The following IMMP2L variants were observed in gnomAD, a reference collection of about 807,000 sequenced individuals.
IMMP2L encodes mitochondrial inner membrane protease subunit 2.
IMMP2L carries 18 observed loss-of-function variants against 19.3 expected under a neutral mutation model. The ratio of observed to expected loss-of-function variants is 0.93; its 90% CI spans 0.64 to 1.38. IMMP2L has a LOEUF of 1.38. Among genes scored for constraint, IMMP2L ranks in the 40% most tolerant of loss-of-function variants. IMMP2L has a pLI of 0.00. For synonymous variants in IMMP2L, 76 were observed against 73.0 expected (o/e 1.04, Z -0.21); for missense variants, 233 against 218.2 (o/e 1.07, Z -0.43).
intron 3 of IMMP2L, among the ~76,000 whole-genome samples, chr7:111,402,123 A>AAATAATAAT (rs59071691): frequency 1.0e-4 from 14 of 137,346 alleles, no homozygotes; most frequent in South Asian, 2.4e-4. Context: ...CCCATCTCAA[A>AAATAATAAT]AATAATAATA....
At chr7:110,955,251 T>C (rs1818251367) in intron 4 of IMMP2L, among the ~76,000 whole-genome samples, 1 of 151,912 alleles carries the variant, frequency 6.6e-6, no homozygotes, top group Admixed American at 6.6e-5. Flanking sequence ...CCTACAACTT[T>C]AGAAAAGAAA....
rs1836272151 is a variant in IMMP2L, at chr7:111,428,180, G to A, written c.239+59058C>T. Reference sequence around the variant, plus strand: ...ATTTTCTTTATTGTTCCCTTATATTGTATTTCACCCTTACAGAAAATGATA... The same window carrying A: ...ATTTTCTTTATTGTTCCCTTATATTATATTTCACCCTTACAGAAAATGATA... On this transcript the variant is annotated intron_variant, in intron 3 of 5. Transcript: ENST00000405709. Among the ~76,000 whole-genome samples the A allele has an allele frequency of 4.0e-5, 6 of 151,474 alleles. No homozygotes were observed. In the South Asian group the frequency reaches 1.2e-3, roughly 31 times the overall value.
chr7:111,095,708 T>C (rs1467046538), intron 3 of IMMP2L, among the ~76,000 whole-genome samples: 2 of 151,984 alleles, frequency 1.3e-5, no homozygotes, highest in Non-Finnish European at 2.9e-5. Context: ...AGTTTTAAGG[T>C]TTTCCAAGAA....
At chr7:111,446,105 T>TGCAAGGCAGCA (rs1554502552) in intron 3 of IMMP2L, among the ~76,000 whole-genome samples, 9 of 151,652 alleles carry the variant, frequency 5.9e-5, no homozygotes, top group Non-Finnish European at 1.0e-4. Flanking sequence ...GAGATCAAAC[T>TGCAAGGCAGCA]GCAAGGCGGC....
At chr7:111,485,899 T>C (rs1231547324) in intron 3 of IMMP2L, among the ~76,000 whole-genome samples, 1 of 152,026 alleles carries the variant, frequency 6.6e-6, no homozygotes, top group African/African-American at 2.4e-5. Context: ...AAAAAAATAC[T>C]GCACAATTGT....
At chr7:111,329,984 G>T (rs185897315) in intron 3 of IMMP2L, among the ~76,000 whole-genome samples, 2 of 151,690 alleles carry the variant, frequency 1.3e-5, no homozygotes, top group African/African-American at 4.8e-5. Flanking sequence ...ACACTGGCAA[G>T]AACAGTGGCA....
At chr7:111,467,064 A>C (rs1253226675) in intron 3 of IMMP2L, among the ~76,000 whole-genome samples, 1 of 152,100 alleles carries the variant, frequency 6.6e-6, no homozygotes, top group African/African-American at 2.4e-5. Flanking sequence ...ATAAGTAAAA[A>C]ACCAGATTGA....
intron 5 of IMMP2L, among the ~76,000 whole-genome samples, chr7:110,708,992 C>A (rs1794826279): frequency 1.8e-4 from 1 of 5,568 alleles, no homozygotes; most frequent in Non-Finnish European, 3.8e-4. Context: ...AATTGAATAC[C>A]CTTTATTTCC....
chr7:110,840,953 T>C (rs1419119230), intron 5 of IMMP2L, among the ~76,000 whole-genome samples: 1 of 152,072 alleles, frequency 6.6e-6, no homozygotes, highest in Non-Finnish European at 1.5e-5. Flanking sequence ...TTGGTAGTAA[T>C]ATAACAAACC....
chr7:110,685,619 G>T (rs969025678), intron 5 of IMMP2L, among the ~76,000 whole-genome samples: 2 of 152,064 alleles, frequency 1.3e-5, no homozygotes, highest in African/African-American at 2.4e-5. Flanking sequence ...ATGGTTTATT[G>T]TAAGTATAAA....
intron 3 of IMMP2L, among the ~76,000 whole-genome samples, chr7:111,046,060 T>C (rs551725435): frequency 5.9e-5 from 9 of 151,912 alleles, no homozygotes; most frequent in Admixed American, 5.2e-4. Context: ...CTAAAGAATT[T>C]GAAAAAAGTT....
At chr7:111,202,360 A>C (rs1810237144) in intron 3 of IMMP2L, among the ~76,000 whole-genome samples, 1 of 152,186 alleles carries the variant, frequency 6.6e-6, no homozygotes, top group African/African-American at 2.4e-5. Context: ...AAGTTTCAAG[A>C]ATCAAAAATA....
intron 5 of IMMP2L, among the ~76,000 whole-genome samples, chr7:110,781,280 T>G (rs1237096221): frequency 6.6e-6 from 1 of 151,916 alleles, no homozygotes. Context: ...ATGTAAAACA[T>G]CTATATCCAC....
intron 4 of IMMP2L, among the ~76,000 whole-genome samples, chr7:110,932,106 G>A (rs1303681790): frequency 6.6e-6 from 1 of 151,938 alleles, no homozygotes; most frequent in Non-Finnish European, 1.5e-5. Flanking sequence ...ATTTATTTAT[G>A]TGTGTGGTCT....
At chr7:110,812,205 C>A (rs1003430394) in intron 5 of IMMP2L, among the ~76,000 whole-genome samples, 3 of 152,002 alleles carry the variant, frequency 2.0e-5, no homozygotes, top group African/African-American at 7.2e-5. Flanking sequence ...TTCAGAGCAA[C>A]AGATCTGCCC....
At chr7:111,077,483 C>T (rs996964850) in intron 3 of IMMP2L, among the ~76,000 whole-genome samples, 1 of 152,090 alleles carries the variant, frequency 6.6e-6, no homozygotes, top group African/African-American at 2.4e-5. Flanking sequence ...TTGTCATATC[C>T]CTTATACACA....
intron 3 of IMMP2L, among the ~76,000 whole-genome samples, chr7:110,990,674 G>T (rs2129559509): frequency 1.3e-5 from 2 of 152,246 alleles, no homozygotes; most frequent in South Asian, 4.1e-4. Flanking sequence ...CTGGGTTGCT[G>T]TGTAAGCCTC....
At chr7:110,931,386 T>C (rs1815466783) in intron 4 of IMMP2L, among the ~76,000 whole-genome samples, 1 of 152,152 alleles carries the variant, frequency 6.6e-6, no homozygotes, top group African/African-American at 2.4e-5. Context: ...TCAATGACCC[T>C]TTTTCCTGCC....
Position 111,437,942 on chromosome 7 carries a change from C to T in IMMP2L, c.239+49296G>A, listed in dbSNP as rs77185817. Among the ~76,000 whole-genome samples, 569 of 152,026 alleles carry T rather than the reference C, an allele frequency of 3.7e-3. 6 individuals carry two copies. Among genetic ancestry groups the T allele is most frequent in the Non-Finnish European group, 6.7e-3 (458 of 68,024 alleles). On this transcript the variant is annotated intron_variant, in intron 3 of 5. Transcript: ENST00000405709. ...TAAAACGCCAGAGATCTTAACAGTT[C>T]TGTGTCCTCCCTAGTGGTGATGCAA...
Sources: allele counts gnomAD v4.1 joint callset (sites outside exome capture counted in the v4.1 genomes callset), GRCh38; gene constraint gnomAD v4.1.1; transcripts MANE v1.5; gene names NCBI Gene and HGNC (gene_info 2026-07-23, HGNC 2026-07-21).